The following EVI5L variants were observed in gnomAD, a reference collection of about 807,000 sequenced individuals.
The protein encoded by EVI5L is ecotropic viral integration site 5 like.
A neutral mutation model predicts 106.1 loss-of-function variants in EVI5L; 30 were observed. The observed-to-expected ratio is 0.28, with a 90% confidence interval of 0.21 to 0.38. The LOEUF is 0.38. EVI5L is among the 10% of genes least tolerant of loss of function. EVI5L has a pLI of 1.00. For synonymous variants in EVI5L, 489 were observed against 483.3 expected (o/e 1.01, Z -0.15); for missense variants, 809 against 1,098.0 (o/e 0.74, Z 3.72).
intron 1 of EVI5L, among the ~76,000 whole-genome samples, chr19:7,836,177 C>G (rs563869834): frequency 1.3e-5 from 2 of 152,072 alleles, no homozygotes; most frequent in South Asian, 4.1e-4. Context: ...GCGGAGGTTG[C>G]AGTGAGCCAA....
chr19:7,832,764 T>C (rs1235531051), intron 1 of EVI5L, among the ~76,000 whole-genome samples: 1 of 152,166 alleles, frequency 6.6e-6, no homozygotes, highest in Non-Finnish European at 1.5e-5. Context: ...GATGGTCTGC[T>C]GCAGGACTTG....
chr19:7,833,621 G>A (rs1978305467), intron 1 of EVI5L, among the ~76,000 whole-genome samples: 1 of 152,242 alleles, frequency 6.6e-6, no homozygotes, highest in Non-Finnish European at 1.5e-5. Flanking sequence ...GGCAGCAGAA[G>A]TGCTTGGACA....
At chr19:7,832,837 G>A (rs750650321) in intron 1 of EVI5L, among the ~76,000 whole-genome samples, 1 of 152,118 alleles carries the variant, frequency 6.6e-6, no homozygotes, top group African/African-American at 2.4e-5. Context: ...AGGGGCTGTC[G>A]GATAGCCATG....
intron 1 of EVI5L, among the ~76,000 whole-genome samples, chr19:7,838,771 TCAGGGAGAGA>T (rs1014284810): frequency 5.9e-5 from 9 of 151,944 alleles, no homozygotes; most frequent in African/African-American, 1.7e-4. Context: ...GTGGATGTTT[TCAGGGAGAGA>T]GAGGGGGAAA....
In EVI5L at chr19:7,863,221, T is replaced by C. The variant is rs1167598026; in HGVS notation, c.2080T>C (p.Ser694Pro). The C allele has an allele frequency of 6.4e-7, 1 of 1,562,284 alleles. No individual in the cohort carries two copies. The highest frequency in any genetic ancestry group is 8.7e-7 in the Non-Finnish European group (1 of 1,153,586). Residue 694 changes from serine (S) to proline (P), a missense_variant, in exon 19 of 20, where the codon TCG becomes CCG. Around this residue, in one of 2 missense-constraint regions of EVI5L, gnomAD observed 452 missense variants for 509.9 expected, o/e 0.89. Transcript: ENST00000538904. The surrounding 1 kb of genome is among the most constrained non-coding windows in gnomAD (Gnocchi z 7.7). Reference sequence around the variant, plus strand: ...CCGCATCCAGGGCCAGCTGAACCACTCGGACTCATCGCAGTACATCCGCGA... The same window carrying C: ...CCGCATCCAGGGCCAGCTGAACCACCCGGACTCATCGCAGTACATCCGCGA... Reference protein sequence around the residue: ...EGRIQGQLNHSDSSQYIRELK... With the variant: ...EGRIQGQLNHPDSSQYIRELK...
chr19:7,862,152 G>A lies in EVI5L; in HGVS notation c.1675G>A (p.Glu559Lys), dbSNP rs780275288. The change falls in exon 16 of 20, where the codon GAG becomes AAG. Residue 559 changes from glutamate to lysine, a missense_variant. Glu to Lys is a moderately conservative substitution (Grantham distance 56). Transcript: ENST00000538904. ...AHLARGGRWK[E>K]SPRKLVVGEL... ...TCTGGCCCGCGGCGGCCGCTGGAAG[G>A]AGTCCCCACGGAAGCTGGTCGTGGG... 23 of 1,575,758 alleles carry A rather than the reference G, an allele frequency of 1.5e-5. No individual in the cohort carries two copies. In the South Asian group the frequency reaches 1.8e-4, roughly 13 times the overall value.
At position 7,858,369 on chromosome 19, in the gene EVI5L, GA is replaced by G. The variant is rs1735581933; in HGVS notation, c.1374+39del. ...GTGCGGGGCTGCTGGGCGGGGCCATGACCCGCGCCCCCGCCCCCGCCCAACG... is the reference window on the plus strand; with the variant it reads ...GTGCGGGGCTGCTGGGCGGGGCCATGCCCGCGCCCCCGCCCCCGCCCAACG... On this transcript the variant is annotated intron_variant, in intron 13 of 19. Transcript: ENST00000538904. The surrounding 1 kb of genome is among the most constrained non-coding windows in gnomAD (Gnocchi z 5.7). The G allele has an allele frequency of 2.0e-6, 3 of 1,520,610 alleles. No homozygotes were observed. Among genetic ancestry groups the G allele is most frequent in the African/African-American group, 2.8e-5 (2 of 72,120 alleles). The allele number at this position is 1,520,610 out of a possible 1,614,324, so 94.2% of individuals were successfully genotyped here.
intron 10 of EVI5L, 136 bp from the exon 11 acceptor site, chr19:7,855,879 G>A (rs970181107): frequency 6.5e-5 from 42 of 643,216 alleles, no homozygotes; most frequent in South Asian, 1.5e-4. Context: ...GACCCAGAAC[G>A]TAAGATGCTG....
Position 7,858,165 on chromosome 19 carries a change from C to T in EVI5L, c.1234-26C>T, listed in dbSNP as rs991060677. On this transcript the variant is annotated intron_variant, in intron 12 of 19. Coordinates refer to ENST00000538904, the MANE Select transcript of EVI5L (RefSeq NM_001159944.3). The surrounding 1 kb of genome is among the most constrained non-coding windows in gnomAD (Gnocchi z 5.7). ...GGGAGCCGAGGGTCACGGCCTCCCC[C>T]TGCCCCCTGTCCTCGCTGTTCTCAG... The T allele has an allele frequency of 1.9e-6, 3 of 1,548,372 alleles. No homozygotes were observed. Among genetic ancestry groups the T allele is most frequent in the Non-Finnish European group, 2.6e-6 (3 of 1,145,916 alleles).
rs1979070104 is a variant in EVI5L, at chr19:7,848,490, G to T, written c.328-431G>T. ...CGTGCACCTGTAATCCCAGCTACTTGGGAGGCTGAGGCAGGAGAATCACTT... is the reference window on the plus strand; with the variant it reads ...CGTGCACCTGTAATCCCAGCTACTTTGGAGGCTGAGGCAGGAGAATCACTT... On this transcript the variant is annotated intron_variant, in intron 3 of 19. Transcript: ENST00000538904. This position sits in a 1 kb window ranked among gnomAD's most constrained non-coding sequence, Gnocchi z 4.8. Among the ~76,000 whole-genome samples, 1 of 152,032 alleles carries T rather than the reference G, an allele frequency of 6.6e-6. No individual in the cohort carries two copies. Among genetic ancestry groups the T allele is most frequent in the African/African-American group, 2.4e-5 (1 of 41,380 alleles).
chr19:7,850,158 G>A lies in EVI5L; in HGVS notation c.753+36G>A, dbSNP rs1195638426. 1.9e-6 allele frequency: 3 copies of A among 1,584,940 alleles called. No homozygotes were observed. Among genetic ancestry groups the A allele is most frequent in the Non-Finnish European group, 2.6e-6 (3 of 1,166,602 alleles). On this transcript the variant is annotated intron_variant, in intron 6 of 19. Coordinates refer to ENST00000538904, the MANE Select transcript of EVI5L (RefSeq NM_001159944.3). This position sits in a 1 kb window ranked among gnomAD's most constrained non-coding sequence, Gnocchi z 5.4. Reference sequence around the variant, plus strand: ...CCGCAGGAGAGCAGGGCTGCAGGAGGGCAGGGCCACAGGTGGGCAGGGCCG... The same window carrying A: ...CCGCAGGAGAGCAGGGCTGCAGGAGAGCAGGGCCACAGGTGGGCAGGGCCG...
rs1213947149 is a variant in EVI5L at position 7,857,773 on chromosome 19, G to A, written c.1234-418G>A. 3.2e-5 allele frequency: 6 copies of A among 187,430 alleles called. No homozygotes were observed. Among genetic ancestry groups the A allele is most frequent in the Non-Finnish European group, 5.5e-5 (5 of 91,366 alleles). The allele number at this position is 187,430 out of a possible 1,614,324, so 11.6% of individuals were successfully genotyped here. On this transcript the variant is annotated intron_variant, in intron 12 of 19. Transcript: ENST00000538904. This position sits in a 1 kb window ranked among gnomAD's most constrained non-coding sequence, Gnocchi z 4.5. The stretch of plus-strand genomic sequence containing the variant: ...AGGACTAGAGAAGATGCCGCTGGGA[G>A]AGGTGAATGCCCTGGGGAGCCCAGC...
Position 7,863,753 on chromosome 19 carries a change from C to A in EVI5L, c.*51C>A. 1.4e-6 allele frequency: 2 copies of A among 1,423,548 alleles called. No homozygotes were observed. Among genetic ancestry groups the A allele is most frequent in the South Asian group, 1.5e-5 (1 of 66,264 alleles). The allele number at this position is 1,423,548 out of a possible 1,614,324, so 88.2% of individuals were successfully genotyped here. The stretch of plus-strand genomic sequence containing the variant: ...AGGAGGCCGCAGCCGCGGGGGGCGC[C>A]CGGGCAGTCCGCGTTCTGCTCCCCA... On this transcript the variant is annotated 3_prime_UTR_variant, in exon 20 of 20. Transcript: ENST00000538904. This position sits in a 1 kb window ranked among gnomAD's most constrained non-coding sequence, Gnocchi z 7.7.
intron 1 of EVI5L, among the ~76,000 whole-genome samples, chr19:7,837,619 C>T (rs590394): frequency 0.57 from 87,000 of 152,038 alleles, 25,117 homozygotes; most frequent in South Asian, 0.77. Flanking sequence ...TCTCCCTAAC[C>T]TCCTCTGGGC....
At chr19:7,832,323 C>T (rs1978297008) in intron 1 of EVI5L, among the ~76,000 whole-genome samples, 1 of 152,236 alleles carries the variant, frequency 6.6e-6, no homozygotes, top group South Asian at 2.1e-4. Flanking sequence ...CAGTCCCGCG[C>T]AGCCTGGGCA....
chr19:7,837,383 G>A, intron 1 of EVI5L, among the ~76,000 whole-genome samples: 1 of 152,116 alleles, frequency 6.6e-6, no homozygotes, highest in Middle Eastern at 3.2e-3. Flanking sequence ...AGAACACTTT[G>A]AGATTTATGG....
intron 1 of EVI5L, among the ~76,000 whole-genome samples, chr19:7,839,422 C>T (rs893245442): frequency 2.0e-5 from 3 of 151,962 alleles, no homozygotes; most frequent in African/African-American, 7.3e-5. Flanking sequence ...CTGAGTGTGC[C>T]AAGCAGGGAT....
chr19:7,849,385 C>T (rs1979125571), intron 5 of EVI5L, 55 bp downstream of exon 5: 7 of 1,589,286 alleles, frequency 4.4e-6, no homozygotes, highest in South Asian at 3.3e-5. Flanking sequence ...ACCCTGGGCT[C>T]GGCCCCCAAG....
rs1979813118 is a variant in EVI5L, at chr19:7,861,864, C to T, written c.1504-14C>T. 6.5e-7 allele frequency: 1 copy of T among 1,550,314 alleles called. No individual in the cohort carries two copies. The highest frequency in any genetic ancestry group is 1.2e-5 in the South Asian group (1 of 84,070). The stretch of plus-strand genomic sequence containing the variant: ...GCGCTGCTCCCCCAGGCCCTGACCC[C>T]ACTCTTCCCGCAGAGGAACAGCTCG... On this transcript the variant is annotated splice_polypyrimidine_tract_variant and intron_variant, in intron 14 of 19. Coordinates refer to ENST00000538904, the MANE Select transcript of EVI5L (RefSeq NM_001159944.3).
Sources: allele counts gnomAD v4.1 joint callset (sites outside exome capture counted in the v4.1 genomes callset), GRCh38; gene constraint gnomAD v4.1.1; regional missense constraint gnomAD v4.1.1; non-coding constraint Gnocchi (gnomAD v3.1); transcripts MANE v1.5; gene names NCBI Gene and HGNC (gene_info 2026-07-23, HGNC 2026-07-21).